B4GALT1: variants seen among roughly 807,000 people sequenced by gnomAD.
B4GALT1 encodes the protein N-acetyllactosamine synthase.
A neutral mutation model predicts 34.9 loss-of-function variants in B4GALT1; 16 were observed. The observed-to-expected ratio is 0.46, with a 90% CI of 0.31 to 0.70. The LOEUF is 0.70. B4GALT1 is among the 30% of genes least tolerant of loss of function. The pLI, the probability that B4GALT1 is intolerant of heterozygous loss-of-function variation, is 0.05. For synonymous variants in B4GALT1, 221 were observed against 218.1 expected, an observed-to-expected ratio of 1.01 and a Z score of -0.12; for missense variants, 445 against 530.5, an observed-to-expected ratio of 0.84 and a Z score of 1.58.
chr9:33,175,850 CAGAA>C, the B4GALT1 span, among the ~76,000 whole-genome samples: 1 of 152,144 alleles, frequency 6.6e-6, no homozygotes, highest in Admixed American at 6.5e-5. Flanking sequence ...ACACATTTCT[CAGAA>C]AGAATCCCCA....
rs115587722 is a variant in B4GALT1 at position 33,137,794 on chromosome 9, A to G, written c.413-2370T>C. On this transcript the variant is annotated intron_variant, in intron 1 of 5. Transcript: ENST00000379731. Reference sequence around the variant, plus strand: ...CAAGGCTTAGGGCTTTCGGGCAAAGAGGGCCCTCGGGGATTCCCACCATTC... The same window carrying G: ...CAAGGCTTAGGGCTTTCGGGCAAAGGGGGCCCTCGGGGATTCCCACCATTC... Among the ~76,000 whole-genome samples the G allele has an allele frequency of 7.6e-3, 1,162 of 152,252 alleles. 12 individuals carry two copies. The highest frequency in any genetic ancestry group is 0.027 in the African/African-American group (1,101 of 41,544).
chr9:33,144,166 GA>G (rs1161010567), intron 1 of B4GALT1, among the ~76,000 whole-genome samples: 2 of 152,162 alleles, frequency 1.3e-5, no homozygotes, highest in Non-Finnish European at 2.9e-5. Flanking sequence ...TTACAGGCAT[GA>G]GCCACTGTGC....
At chr9:33,178,593 G>T in the B4GALT1 span, among the ~76,000 whole-genome samples, 1 of 152,142 alleles carries the variant, frequency 6.6e-6, no homozygotes, top group Non-Finnish European at 1.5e-5. Flanking sequence ...CTGTACACAG[G>T]TGCCATGGCA....
At chr9:33,173,591 GGTGTGT>G in the B4GALT1 span, among the ~76,000 whole-genome samples, 1,260 of 143,134 alleles carry the variant, frequency 8.8e-3, 20 homozygotes, top group Admixed American at 0.045. Flanking sequence ...AAATAAGAAT[GGTGTGT>G]GTGTGTGTGT....
the B4GALT1 span, among the ~76,000 whole-genome samples, chr9:33,178,409 C>T: frequency 2.6e-5 from 4 of 152,166 alleles, no homozygotes; most frequent in Admixed American, 1.3e-4. Context: ...ATAGACTTCA[C>T]AAATTGATAA....
chr9:33,125,670 G>A (rs1438505750), intron 2 of B4GALT1, among the ~76,000 whole-genome samples: 2 of 152,082 alleles, frequency 1.3e-5, no homozygotes, highest in Non-Finnish European at 2.9e-5. Context: ...GAGAGGTTCA[G>A]GACAGGTGCT....
Position 33,166,969 on chromosome 9 carries a change from G to A in B4GALT1, c.201C>T (p.Ala67=), listed in dbSNP as rs762978129. The A allele has an allele frequency of 1.9e-6, 3 of 1,582,026 alleles. No individual in the cohort carries two copies. The highest frequency in any genetic ancestry group is 2.3e-5 in the East Asian group (1 of 44,058). Residue 67 remains alanine, a synonymous_variant, in exon 1 of 6, where the codon GCC becomes GCT. Coordinates refer to ENST00000379731, the MANE Select transcript of B4GALT1 (RefSeq NM_001497.4). The part of the protein sequence containing the change: ...STPLQGGSNS[A]AAIGQSSGEL... ...CCCCGGAGGACTGCCCGATGGCGGCGGCACTGTTCGAGCCGCCCTGCAGCG... is the reference window on the plus strand; with the variant it reads ...CCCCGGAGGACTGCCCGATGGCGGCAGCACTGTTCGAGCCGCCCTGCAGCG...
chr9:33,107,807 T>C (rs28612947), downstream of B4GALT1, among the ~76,000 whole-genome samples: 29,176 of 151,862 alleles, frequency 0.19, 3,218 homozygotes, highest in African/African-American at 0.31. Flanking sequence ...TTAAACCTCT[T>C]TCCCTCCCCA....
chr9:33,122,354 C>CA (rs1564038926), intron 2 of B4GALT1, among the ~76,000 whole-genome samples: 1 of 151,866 alleles, frequency 6.6e-6, no homozygotes, highest in Non-Finnish European at 1.5e-5. Context: ...TCTGCCTCTA[C>CA]AAAAAATTAC....
chr9:33,119,921 A>G (rs766710526), intron 3 of B4GALT1, among the ~76,000 whole-genome samples: 11 of 152,200 alleles, frequency 7.2e-5, no homozygotes, highest in Non-Finnish European at 1.5e-4. Flanking sequence ...ATGGTGCCAC[A>G]TGCCTATAAT....
At chr9:33,154,039 G>A (rs1840562370) in intron 1 of B4GALT1, among the ~76,000 whole-genome samples, 1 of 104,550 alleles carries the variant, frequency 9.6e-6, no homozygotes, top group Non-Finnish European at 2.2e-5. Flanking sequence ...GGAAGGGAGG[G>A]AGGGAGGGAG....
At chr9:33,105,786 T>C (rs1241624430), downstream of B4GALT1, among the ~76,000 whole-genome samples, 1 of 152,134 alleles carries the variant, frequency 6.6e-6, no homozygotes, top group Non-Finnish European at 1.5e-5. Context: ...ATCTGAGTTG[T>C]AGTATATGTC....
At chr9:33,162,504 T>C (rs960331665) in intron 1 of B4GALT1, among the ~76,000 whole-genome samples, 4 of 152,156 alleles carry the variant, frequency 2.6e-5, no homozygotes, top group African/African-American at 9.7e-5. Flanking sequence ...GTCACGGATA[T>C]CCATACAAGA....
At chr9:33,127,225 A>C (rs1840125745) in intron 2 of B4GALT1, among the ~76,000 whole-genome samples, 1 of 152,182 alleles carries the variant, frequency 6.6e-6, no homozygotes, top group Non-Finnish European at 1.5e-5. Flanking sequence ...GGCCTCCCAA[A>C]GTACTGGGAT....
chr9:33,156,383 C>T (rs985965452), intron 1 of B4GALT1, among the ~76,000 whole-genome samples: 5 of 152,210 alleles, frequency 3.3e-5, no homozygotes, highest in Non-Finnish European at 7.3e-5. Context: ...ATCCACCCAC[C>T]TCGGCCTCCC....
the B4GALT1 span, among the ~76,000 whole-genome samples, chr9:33,174,597 G>A: frequency 6.0e-5 from 9 of 149,428 alleles, no homozygotes; most frequent in African/African-American, 9.9e-5. Context: ...TGCGGTGAGC[G>A]GAGATCGTGC....
At chr9:33,122,776 T>C (rs568785920) in intron 2 of B4GALT1, among the ~76,000 whole-genome samples, 205 of 152,330 alleles carry the variant, frequency 1.3e-3, no homozygotes, top group African/African-American at 4.6e-3. Flanking sequence ...ACTGTGTTTT[T>C]TGGCTGTCCC....
intron 1 of B4GALT1, 38 bp downstream of exon 1, chr9:33,166,720 G>A (rs892680286): frequency 6.7e-7 from 1 of 1,482,782 alleles, no homozygotes; most frequent in Non-Finnish European, 8.9e-7. Flanking sequence ...ATCCGGGGGG[G>A]TCCCAATCCT....
At chr9:33,134,417 T>C (rs1042302924) in intron 2 of B4GALT1, among the ~76,000 whole-genome samples, 2 of 152,242 alleles carry the variant, frequency 1.3e-5, no homozygotes, top group Non-Finnish European at 2.9e-5. Context: ...TCTAAAAACA[T>C]GAATTTAAGT....
Sources: allele counts gnomAD v4.1 joint callset (sites outside exome capture counted in the v4.1 genomes callset), GRCh38; gene constraint gnomAD v4.1.1; transcripts MANE v1.5; gene names NCBI Gene and HGNC (gene_info 2026-07-23, HGNC 2026-07-21).